GLIS3: variants seen among roughly 807,000 people sequenced by gnomAD.
GLIS3 encodes the protein GLIS family zinc finger 3.
A neutral mutation model predicts 78.6 loss-of-function variants in GLIS3; 53 were observed. The observed-to-expected ratio is 0.67, with a 90% CI of 0.54 to 0.85. GLIS3 has a LOEUF of 0.85. Ranked by LOEUF, GLIS3 falls within the 40% of genes least tolerant of loss-of-function variation. The pLI is 0.00. For missense variants in GLIS3, 1,703 were observed against 1,231.1 expected (o/e 1.38, Z -5.74); for synonymous variants, 684 against 509.9 (o/e 1.34, Z -4.60).
intron 2 of GLIS3, among the ~76,000 whole-genome samples, chr9:4,153,305 T>C (rs1834817745): frequency 6.6e-6 from 1 of 152,228 alleles, no homozygotes; most frequent in South Asian, 2.1e-4. Context: ...GGCTCACACC[T>C]GTAATCCCAG....
intron 2 of GLIS3, among the ~76,000 whole-genome samples, chr9:4,185,989 T>C (rs1314227789): frequency 6.6e-6 from 1 of 151,656 alleles, no homozygotes; most frequent in Non-Finnish European, 1.5e-5. Flanking sequence ...AGTTTTCTTC[T>C]TTTTTTTAAA....
At chr9:4,218,200 T>A (rs1821020425) in intron 2 of GLIS3, among the ~76,000 whole-genome samples, 1 of 152,270 alleles carries the variant, frequency 6.6e-6, no homozygotes, top group Non-Finnish European at 1.5e-5. Flanking sequence ...GAGTCTTTGA[T>A]GATATTTAAC....
intron 7 of GLIS3, among the ~76,000 whole-genome samples, chr9:3,892,254 A>G (rs758460617): frequency 8.5e-5 from 13 of 152,188 alleles, no homozygotes; most frequent in Non-Finnish European, 7.4e-5. Flanking sequence ...AAGGCAAAAA[A>G]AAAGCAGCCT....
At chr9:4,321,468 G>GT (rs1165185133) in intron 2 of GLIS3, among the ~76,000 whole-genome samples, 1 of 91,862 alleles carries the variant, frequency 1.1e-5, no homozygotes, top group Non-Finnish European at 2.5e-5. Context: ...AAAAAATCAG[G>GT]TGCCTAGAAC....
chr9:4,351,823 C>G (rs753303290), upstream of GLIS3, among the ~76,000 whole-genome samples: 6 of 151,522 alleles, frequency 4.0e-5, no homozygotes, highest in Non-Finnish European at 8.8e-5. Flanking sequence ...AAAACTGGAG[C>G]ACAAAGAAGT....
the GLIS3 span, among the ~76,000 whole-genome samples, chr9:4,424,671 C>A: frequency 1.3e-5 from 2 of 152,176 alleles, no homozygotes; most frequent in African/African-American, 4.8e-5. Flanking sequence ...TCAAGGGATC[C>A]TCCCGCCTCA....
chr9:4,024,921 G>C (rs1039974483), intron 4 of GLIS3, among the ~76,000 whole-genome samples: 1 of 152,158 alleles, frequency 6.6e-6, no homozygotes, highest in Non-Finnish European at 1.5e-5. Flanking sequence ...TTCATCACTC[G>C]ATCCCTAGCA....
At chr9:4,475,470 A>T in the GLIS3 span, among the ~76,000 whole-genome samples, 1 of 152,224 alleles carries the variant, frequency 6.6e-6, no homozygotes, top group Admixed American at 6.5e-5. Flanking sequence ...TATTTGTAAC[A>T]GCAAAATACT....
chr9:4,203,619 A>G (rs372656967), intron 2 of GLIS3, among the ~76,000 whole-genome samples: 87 of 152,370 alleles, frequency 5.7e-4, no homozygotes, highest in African/African-American at 1.9e-3. Context: ...TATCCAAAAG[A>G]AAACAAATTT....
At chr9:3,927,234 G>A (rs1825317919) in intron 6 of GLIS3, among the ~76,000 whole-genome samples, 1 of 152,204 alleles carries the variant, frequency 6.6e-6, no homozygotes, top group Non-Finnish European at 1.5e-5. Context: ...CTGTTGAGTA[G>A]AATAAATGAT....
intron 9 of GLIS3, among the ~76,000 whole-genome samples, chr9:3,830,680 A>G (rs1013068086): frequency 7.9e-5 from 12 of 152,258 alleles, no homozygotes; most frequent in Non-Finnish European, 1.5e-5. Flanking sequence ...AATGCAGAAC[A>G]AACCCATGGA....
chr9:4,171,710 T>C (rs1280424310), intron 2 of GLIS3, among the ~76,000 whole-genome samples: 1 of 152,226 alleles, frequency 6.6e-6, no homozygotes, highest in Non-Finnish European at 1.5e-5. Context: ...TGACTTGAAC[T>C]GTTTTTCTTT....
the GLIS3 span, among the ~76,000 whole-genome samples, chr9:4,483,459 C>T: frequency 6.6e-6 from 1 of 152,122 alleles, no homozygotes; most frequent in Admixed American, 6.6e-5. Flanking sequence ...GTGGCTCACG[C>T]CTGTAATCTC....
intron 6 of GLIS3, among the ~76,000 whole-genome samples, chr9:3,910,497 G>A (rs1588207199): frequency 6.6e-6 from 1 of 152,258 alleles, no homozygotes; most frequent in South Asian, 2.1e-4. Flanking sequence ...CCACAGGCAT[G>A]GGCCACCACA....
intron 2 of GLIS3, among the ~76,000 whole-genome samples, chr9:4,313,214 A>C (rs572070941): frequency 6.6e-6 from 1 of 152,276 alleles, no homozygotes; most frequent in Non-Finnish European, 1.5e-5. Context: ...AACTCCTCTA[A>C]TGAGTGTCAC....
the GLIS3 span, among the ~76,000 whole-genome samples, chr9:4,400,715 G>T: frequency 1.3e-5 from 2 of 152,092 alleles, no homozygotes; most frequent in Admixed American, 6.5e-5. Context: ...TTGCATCTTG[G>T]ATACCACCTT....
intron 2 of GLIS3, among the ~76,000 whole-genome samples, chr9:4,276,384 G>GAGGGGAGGGA (rs1826993728): frequency 2.0e-5 from 1 of 49,384 alleles, no homozygotes; most frequent in Admixed American, 2.1e-4. Context: ...GAGGGGAGGT[G>GAGGGGAGGGA]AGGGGAGGGA....
At chr9:4,213,044 T>C (rs1206482272) in intron 2 of GLIS3, among the ~76,000 whole-genome samples, 3 of 152,154 alleles carry the variant, frequency 2.0e-5, no homozygotes, top group East Asian at 1.9e-4. Flanking sequence ...GAAGCTGCCA[T>C]GGAAAAAAAC....
At chr9:4,055,182 A>T (rs943791271) in intron 4 of GLIS3, among the ~76,000 whole-genome samples, 2 of 152,180 alleles carry the variant, frequency 1.3e-5, no homozygotes, top group African/African-American at 4.8e-5. Context: ...GCTTCTCAGC[A>T]TATGGAGTTG....
Sources: allele counts gnomAD v4.1 joint callset (sites outside exome capture counted in the v4.1 genomes callset), GRCh38; gene constraint gnomAD v4.1.1; transcripts MANE v1.5; gene names NCBI Gene and HGNC (gene_info 2026-07-23, HGNC 2026-07-21).